Variants in ADGRE3 observed in about 807,000 individuals in gnomAD.
ADGRE3 encodes EGF-like module receptor 3.
A neutral mutation model predicts 80.1 loss-of-function variants in ADGRE3; 88 were observed. The observed-to-expected ratio is 1.10, with a 90% CI of 0.93 to 1.31. The LOEUF is 1.31. Ranked by LOEUF, ADGRE3 falls within the 40% of genes most tolerant of loss-of-function variation. The probability of loss-of-function intolerance (pLI) is 0.00; values close to 1 mark genes in which losing one functional copy is unlikely to be tolerated. For synonymous variants in ADGRE3, 281 were observed against 294.8 expected (o/e 0.95, Z 0.48); for missense variants, 715 against 776.5 (o/e 0.92, Z 0.94).
chr19:14,658,870 G>T (rs1024655822), intron 4 of ADGRE3, among the ~76,000 whole-genome samples: 1 of 151,770 alleles, frequency 6.6e-6, no homozygotes, highest in Non-Finnish European at 1.5e-5. Flanking sequence ...GAGTAGCTGG[G>T]ATTACAGGCA....
chr19:14,673,234 C>T (rs1375922556), intron 1 of ADGRE3, among the ~76,000 whole-genome samples: 2 of 152,180 alleles, frequency 1.3e-5, no homozygotes, highest in Non-Finnish European at 2.9e-5. Flanking sequence ...AGCTGTGAGG[C>T]TTTGAGAAAT....
At chr19:14,660,194 C>G (rs10410565) in intron 4 of ADGRE3, among the ~76,000 whole-genome samples, 47,345 of 151,982 alleles carry the variant, frequency 0.31, 7,530 homozygotes, top group Middle Eastern at 0.43. Flanking sequence ...ACGGTGCAGA[C>G]CTCTTAACAT....
intron 1 of ADGRE3, among the ~76,000 whole-genome samples, chr19:14,671,018 C>T (rs541620477): frequency 9.9e-5 from 15 of 152,172 alleles, no homozygotes; most frequent in Admixed American, 2.6e-4. Flanking sequence ...CTCAAAGTCC[C>T]GTAGAGAGTG....
At chr19:14,661,170 G>A (rs1214801576) in intron 4 of ADGRE3, among the ~76,000 whole-genome samples, 8 of 152,050 alleles carry the variant, frequency 5.3e-5, no homozygotes, top group Non-Finnish European at 8.8e-5. Flanking sequence ...TTGAACTCCC[G>A]GTCTCGAGTG....
chr19:14,607,049 C>A, the ADGRE3 span: 1 of 1,353,364 alleles, frequency 7.4e-7, no homozygotes, highest in East Asian at 2.9e-5. Context: ...GGCTGAATGA[C>A]AGGGCCCAGG....
intron 2 of ADGRE3, among the ~76,000 whole-genome samples, chr19:14,666,722 G>A (rs1345684566): frequency 6.6e-6 from 1 of 152,130 alleles, no homozygotes; most frequent in South Asian, 2.1e-4. Flanking sequence ...ACTCAGTGGA[G>A]CAAAATAGTC....
chr19:14,608,673 GCCC>G, the ADGRE3 span, among the ~76,000 whole-genome samples: 475 of 123,716 alleles, frequency 3.8e-3, 5 homozygotes, highest in Middle Eastern at 0.011. Context: ...TCACTCTGTT[GCCC>G]AGGCTGAAGT....
chr19:14,636,081 C>CTTTCTTTCTTTCTCTTTCTTT (rs1555755785), intron 11 of ADGRE3, among the ~76,000 whole-genome samples: 1 of 24,604 alleles, frequency 4.1e-5, no homozygotes, highest in Non-Finnish European at 8.2e-5. Context: ...CTTTCCTTTC[C>CTTTCTTTCTTTCTCTTTCTTT]CTTTCTTTCT....
At chr19:14,608,806 T>C in the ADGRE3 span, among the ~76,000 whole-genome samples, 1 of 150,098 alleles carries the variant, frequency 6.7e-6, no homozygotes, top group Non-Finnish European at 1.5e-5. Context: ...GCTAATTTTT[T>C]TTTTTTTTTT....
In ADGRE3 at chr19:14,619,468, C is replaced by A. The variant is rs771783207; in HGVS notation, c.1924G>T (p.Asp642Tyr). The A allele has an allele frequency of 2.1e-5, 34 of 1,594,550 alleles. No homozygotes were observed. The highest frequency in any genetic ancestry group is 2.4e-5 in the Non-Finnish European group (28 of 1,163,076). Residue 642 changes from aspartate (D) to tyrosine (Y), a missense_variant, in exon 16 of 16, where the codon GAT (aspartate) becomes TAT (tyrosine). Asp to Tyr is a radical substitution (Grantham distance 160, BLOSUM62 -3). Transcript: ENST00000253673. ...CTCTTCACTTGTCCTGGAAAAACAT[C>A]CCCCTATAAAAGAGGTTTAGATTAA... ...MGPDSKPSEG[D>Y]VFPGQVKRKY
downstream of ADGRE3, among the ~76,000 whole-genome samples, chr19:14,617,341 CCTTT>C (rs1555752261): frequency 0.047 from 2,698 of 57,202 alleles, 71 homozygotes; most frequent in Non-Finnish European, 0.062. Flanking sequence ...TCCCTCCCTC[CCTTT>C]CTTTCTTTCT....
chr19:14,649,364 A>C (rs1281215599), intron 7 of ADGRE3, among the ~76,000 whole-genome samples: 389 of 64,266 alleles, frequency 6.1e-3, no homozygotes, highest in Middle Eastern at 0.014. Flanking sequence ...CTCTCTCCCC[A>C]TCTCTCTTTC....
rs1030444542 is a variant in ADGRE3, at chr19:14,668,768, C to T, written c.76+34G>A. The T allele has an allele frequency of 4.4e-6, 7 of 1,604,406 alleles. No homozygotes were observed. In the African/African-American group the frequency reaches 9.4e-5, roughly 21 times the overall value. On this transcript the variant is annotated intron_variant, in intron 2 of 15. Transcript: ENST00000253673. ...AGTGGCTCCAGGTCCAGCCCTTGGT[C>T]CACAAGTTCTCTGTTCTGGCTCTGA... is the stretch of plus-strand genomic sequence containing the variant.
chr19:14,607,550 A>ATTTTATTAT, the ADGRE3 span, among the ~76,000 whole-genome samples: 1 of 141,402 alleles, frequency 7.1e-6, no homozygotes, highest in Admixed American at 7.1e-5. Flanking sequence ...ATTTTATTTT[A>ATTTTATTAT]TTATTTATTT....
chr19:14,624,539 C>T (rs10423568), intron 15 of ADGRE3, among the ~76,000 whole-genome samples: 3,155 of 151,780 alleles, frequency 0.021, 58 homozygotes, highest in African/African-American at 0.046. Flanking sequence ...TAGGACTGCT[C>T]GAGCTGGGAG....
rs201409408 is a variant in ADGRE3 at position 14,641,548 on chromosome 19, C to T, written c.1119G>A (p.Leu373=). Residue 373 remains leucine, a synonymous_variant, in exon 10 of 16, where the codon CTG becomes CTA. Transcript: ENST00000253673. ...TACACAGGAGAAAAGTGAGGGCCGC[C>T]AGGAGGAGGCACAGCAGAGAGACGC... The part of the protein sequence containing the change: ...GLSVSLLCLL[L]AALTFLLCKA... The T allele has an allele frequency of 1.7e-5, 28 of 1,614,034 alleles. No individual in the cohort carries two copies. The East Asian group carries it at 5.8e-4, about 33-fold the overall frequency.
intron 15 of ADGRE3, among the ~76,000 whole-genome samples, chr19:14,624,464 G>C (rs1393443448): frequency 6.6e-6 from 1 of 151,930 alleles, no homozygotes; most frequent in Non-Finnish European, 1.5e-5. Flanking sequence ...CTTTGAAAAA[G>C]GAAAATATAG....
At chr19:14,654,134 G>A (rs1251355604) in intron 6 of ADGRE3, among the ~76,000 whole-genome samples, 1 of 151,764 alleles carries the variant, frequency 6.6e-6, no homozygotes, top group Non-Finnish European at 1.5e-5. Context: ...TGTATTTTTA[G>A]TAAAGATTAA....
At chr19:14,633,369 T>A (rs899217) in intron 11 of ADGRE3, 67 bp from the exon 12 acceptor site, 1,087,682 of 1,176,874 alleles carry the variant, frequency 0.92, 502,991 homozygotes, top group Admixed American at 0.94. Context: ...ACATAAAGTG[T>A]CTCTTTTCCT....
Sources: allele counts gnomAD v4.1 joint callset (sites outside exome capture counted in the v4.1 genomes callset), GRCh38; gene constraint gnomAD v4.1.1; transcripts MANE v1.5; gene names NCBI Gene and HGNC (gene_info 2026-07-23, HGNC 2026-07-21).